Variants in KCTD5 observed in about 807,000 individuals in gnomAD.
KCTD5 encodes potassium channel tetramerization domain containing 5.
Under a neutral mutation model 27.9 loss-of-function variants are expected in KCTD5, and 12 were observed. The observed-to-expected ratio is 0.43, with a 90% CI of 0.28 to 0.70. KCTD5 has a LOEUF of 0.70. KCTD5 is among the 30% of genes least tolerant of loss of function. The pLI is 0.19. For synonymous variants in KCTD5, 147 were observed against 121.4 expected (o/e 1.21, Z -1.39); for missense variants, 226 against 274.8 (o/e 0.82, Z 1.26).
intron 2 of KCTD5, among the ~76,000 whole-genome samples, chr16:2,696,657 G>T (rs1378155230): frequency 6.6e-6 from 1 of 152,188 alleles, no homozygotes; most frequent in Non-Finnish European, 1.5e-5. Context: ...CCTGCGTGCG[G>T]GCGTGGCCCT....
intron 1 of KCTD5, chr16:2,683,054 T>G: frequency 6.8e-6 from 3 of 441,980 alleles, no homozygotes; most frequent in Non-Finnish European, 8.0e-6. Flanking sequence ...GGGGTGTCTC[T>G]TCCTCGCCCT....
rs766101373 is a variant in KCTD5, at chr16:2,682,590, C to T, written c.42C>T (p.Gly14=). 5 of 1,421,830 alleles carry T rather than the reference C, an allele frequency of 3.5e-6. No individual in the cohort carries two copies. The highest frequency in any genetic ancestry group is 6.2e-5 in the Admixed American group (2 of 32,312). 88.1% of individuals were successfully genotyped at this position (1,421,830 alleles called of 1,614,324 possible). The part of the protein sequence containing the change: ...NHCELLSPAR[G]GIGAGLGGGL... The stretch of plus-strand genomic sequence containing the variant: ...GCGAGCTCCTGTCGCCGGCCCGGGG[C>T]GGCATCGGGGCGGGGCTGGGGGGCG... Residue 14 remains glycine, a synonymous_variant, in exon 1 of 6, where the codon GGC becomes GGT. Transcript: ENST00000301738.
intron 5 of KCTD5, among the ~76,000 whole-genome samples, chr16:2,706,134 C>T (rs1328188938): frequency 2.0e-5 from 3 of 152,160 alleles, no homozygotes; most frequent in African/African-American, 7.2e-5. Context: ...GAGCCTCGAG[C>T]TAGAAGTGGT....
chr16:2,686,651 C>T (rs2067540447), intron 1 of KCTD5, among the ~76,000 whole-genome samples: 1 of 102,516 alleles, frequency 9.8e-6, no homozygotes, highest in South Asian at 3.9e-4. Flanking sequence ...AACTTTTGCC[C>T]TTTGAACAGG....
At position 2,708,980 on chromosome 16, in the gene KCTD5, T is replaced by G. The variant is rs2067649687; in HGVS notation, c.*1653T>G. 1 of 152,254 alleles carries G rather than the reference T, an allele frequency of 6.6e-6. No homozygotes were observed. 9.4% of individuals were successfully genotyped at this position (152,254 alleles called of 1,614,324 possible). A position where few individuals can be genotyped will look rare whatever the true frequency, so the allele number is the denominator to read the frequency against. The stretch of plus-strand genomic sequence containing the variant: ...TATCGTATTTTATCAGCTTACAGTT[T>G]AATGCCTAAGTTTCCCCTGGAAATA... On this transcript the variant is annotated 3_prime_UTR_variant, in exon 6 of 6. Transcript: ENST00000301738.
intron 3 of KCTD5, chr16:2,699,217 C>T (rs1158322520): frequency 2.2e-6 from 1 of 456,078 alleles, no homozygotes; most frequent in Admixed American, 2.3e-5. Context: ...ACCCCGCCCA[C>T]TGGGGAGCAG....
At chr16:2,704,543 T>A (rs924983702) in intron 5 of KCTD5, among the ~76,000 whole-genome samples, 1 of 152,228 alleles carries the variant, frequency 6.6e-6, no homozygotes, top group African/African-American at 2.4e-5. Context: ...CTGAGAGCGC[T>A]TAGACTCAAG....
At chr16:2,698,747 C>T (rs2067597933) in intron 3 of KCTD5, among the ~76,000 whole-genome samples, 1 of 152,248 alleles carries the variant, frequency 6.6e-6, no homozygotes, top group African/African-American at 2.4e-5. Context: ...CCGCTGGCCA[C>T]CTAGCGACTT....
intron 1 of KCTD5, among the ~76,000 whole-genome samples, chr16:2,693,579 C>T (rs555171045): frequency 6.6e-5 from 10 of 152,356 alleles, no homozygotes; most frequent in South Asian, 6.2e-4. Flanking sequence ...TCCTGCTGTG[C>T]AGTTTCCGCC....
chr16:2,688,279 C>G (rs532816886), intron 1 of KCTD5, among the ~76,000 whole-genome samples: 1 of 149,034 alleles, frequency 6.7e-6, no homozygotes, highest in African/African-American at 2.5e-5. Flanking sequence ...GAGACGGAGT[C>G]TTGCTCTGTC....
Position 2,708,796 on chromosome 16 carries a change from T to C in KCTD5, c.*1469T>C, listed in dbSNP as rs2067648870. On this transcript the variant is annotated 3_prime_UTR_variant, in exon 6 of 6. Transcript: ENST00000301738. ...GGAGGAAGGCGGCCGCTGGGGCTCC[T>C]GGGCATCCTCTCTGGGGAGCTGCTG... The C allele has an allele frequency of 6.6e-6, 1 of 152,238 alleles. No individual in the cohort carries two copies. Among genetic ancestry groups the C allele is most frequent in the Non-Finnish European group, 1.5e-5 (1 of 68,046 alleles). 9.4% of individuals were successfully genotyped at this position (152,238 alleles called of 1,614,324 possible).
At chr16:2,702,614 C>T in intron 5 of KCTD5, 136 bp downstream of exon 5, 2 of 1,200,982 alleles carry the variant, frequency 1.7e-6, no homozygotes, top group South Asian at 1.5e-5. Flanking sequence ...ACTTCTTGGA[C>T]ACACGGTCTC....
At chr16:2,705,958 C>G (rs1237246394) in intron 5 of KCTD5, among the ~76,000 whole-genome samples, 1 of 152,174 alleles carries the variant, frequency 6.6e-6, no homozygotes, top group Non-Finnish European at 1.5e-5. Flanking sequence ...CTGTCCGCTG[C>G]GCTACTTAGT....
intron 1 of KCTD5, among the ~76,000 whole-genome samples, chr16:2,694,317 T>G (rs2067579927): frequency 8.0e-6 from 1 of 124,936 alleles, no homozygotes; most frequent in Non-Finnish European, 1.8e-5. Flanking sequence ...GCCTGTGGGG[T>G]GGGCAGCTCT....
At chr16:2,699,972 C>T in intron 4 of KCTD5, 56 bp downstream of exon 4, 1 of 1,505,252 alleles carries the variant, frequency 6.6e-7, no homozygotes, top group South Asian at 1.1e-5. Flanking sequence ...CTTGTGCTCA[C>T]AATGGCTCAG....
intron 1 of KCTD5, among the ~76,000 whole-genome samples, chr16:2,691,780 CT>C (rs1421938052): frequency 1.3e-5 from 2 of 152,210 alleles, no homozygotes; most frequent in Non-Finnish European, 2.9e-5. Context: ...ATCTGGACTC[CT>C]GGAAGTCTTC....
chr16:2,683,445 G>A (rs2067527404), intron 1 of KCTD5: 1 of 152,170 alleles, frequency 6.6e-6, no homozygotes, highest in Admixed American at 6.5e-5. Context: ...GTCCAGGAAG[G>A]GTCAGGTAAG....
intron 4 of KCTD5, 111 bp from the exon 5 acceptor site, chr16:2,702,242 G>A: frequency 7.2e-7 from 1 of 1,380,260 alleles, no homozygotes; most frequent in Non-Finnish European, 1.0e-6. Context: ...AGCGTCGGCA[G>A]TCTTTGCTGT....
chr16:2,703,595 T>A (rs1365678392), intron 5 of KCTD5, among the ~76,000 whole-genome samples: 1 of 152,006 alleles, frequency 6.6e-6, no homozygotes, highest in Non-Finnish European at 1.5e-5. Flanking sequence ...GGTATGCCCT[T>A]GGGAACAGAG....
Sources: gnomAD v4.1 joint callset for allele counts (sites outside exome capture counted in the v4.1 genomes callset) on GRCh38, gnomAD v4.1.1 for gene constraint, MANE v1.5 for transcripts, NCBI Gene and HGNC (gene_info 2026-07-23, HGNC 2026-07-21) for gene names.